The following KDM6A variants were observed in gnomAD, a reference collection of about 807,000 sequenced individuals.
The protein encoded by KDM6A is lysine demethylase 6A, also known as lysine-specific demethylase 6A.
KDM6A carries 11 observed loss-of-function variants against 117.6 expected under a neutral mutation model. The observed-to-expected ratio is 0.09, with a 90% CI of 0.06 to 0.15. The LOEUF is 0.15. Ranked by LOEUF, KDM6A falls within the 10% of genes least tolerant of loss-of-function variation. KDM6A has a pLI of 1.00. For synonymous variants in KDM6A, 384 were observed against 396.1 expected (o/e 0.97, Z 0.36); for missense variants, 799 against 1,077.3 (o/e 0.74, Z 3.62).
chrX:45,042,352 CAGAAT>C (rs201330566), intron 8 of KDM6A, among the ~76,000 whole-genome samples: 2,838 of 99,174 alleles, frequency 0.029, 218 homozygotes, highest in African/African-American at 0.11. Flanking sequence ...TTAAACAAAA[CAGAAT>C]AAACTCATGG....
chrX:45,020,392 C>T (rs1343412866), intron 5 of KDM6A, among the ~76,000 whole-genome samples: 2 of 111,428 alleles, frequency 1.8e-5, no homozygotes, highest in African/African-American at 6.5e-5. Context: ...TATCTTCCTT[C>T]CCCTTTATAT....
At chrX:45,022,155 G>A (rs1018961263) in intron 6 of KDM6A, among the ~76,000 whole-genome samples, 1 of 112,005 alleles carries the variant, frequency 8.9e-6, no homozygotes, top group African/African-American at 3.2e-5. Flanking sequence ...GTGACTATGC[G>A]TGTATCAGTA....
intron 10 of KDM6A, among the ~76,000 whole-genome samples, chrX:45,056,098 A>G (rs1306112694): frequency 9.0e-6 from 1 of 111,345 alleles, no homozygotes; most frequent in Non-Finnish European, 1.9e-5. Flanking sequence ...TTCCAAATAT[A>G]CAATATACTT....
At chrX:44,998,452 A>G (rs766304433) in intron 4 of KDM6A, among the ~76,000 whole-genome samples, 3 of 112,020 alleles carry the variant, frequency 2.7e-5, no homozygotes, top group Non-Finnish European at 5.6e-5. Flanking sequence ...GTAATTTCAG[A>G]TATTCATGGT....
intron 2 of KDM6A, among the ~76,000 whole-genome samples, chrX:44,888,241 T>C (rs1387642757): frequency 9.1e-6 from 1 of 110,176 alleles, no homozygotes; most frequent in African/African-American, 3.3e-5. Context: ...GAGGTGGAGG[T>C]TGGCGGTGAG....
chrX:44,875,921 T>C lies in KDM6A; in HGVS notation c.225+1934T>C, dbSNP rs1408444233. ...AACATTGGATTTCGGATTGTAATATTAAACCCTGCAGTTATGCACTAACGA... is the reference window on the plus strand; with the variant it reads ...AACATTGGATTTCGGATTGTAATATCAAACCCTGCAGTTATGCACTAACGA... On this transcript the variant is annotated intron_variant, in intron 2 of 29. Coordinates refer to ENST00000611820, the MANE Select transcript of KDM6A (RefSeq NM_001291415.2). 5.3e-5 allele frequency among the ~76,000 whole-genome samples: 6 copies of C among 112,191 alleles called. No individual in the cohort carries two copies. The East Asian group carries it at 1.4e-3, about 26-fold the overall frequency.
intron 8 of KDM6A, among the ~76,000 whole-genome samples, chrX:45,039,281 T>C (rs2042946502): frequency 9.2e-6 from 1 of 108,979 alleles, no homozygotes; most frequent in South Asian, 4.0e-4. Flanking sequence ...ATGAGATCAC[T>C]GGTCTGTCAT....
intron 2 of KDM6A, among the ~76,000 whole-genome samples, chrX:44,958,604 C>CTTTTTTTTTTTT (rs34006049): frequency 5.3e-5 from 3 of 56,453 alleles, no homozygotes; most frequent in African/African-American, 2.0e-4. Context: ...CTATATAGAC[C>CTTTTTTTTTTTT]TTTTTTTTTT....
Position 44,891,116 on chromosome X carries a change from G to A in KDM6A, c.225+17129G>A, listed in dbSNP as rs778627332. On this transcript the variant is annotated intron_variant, in intron 2 of 29. Transcript: ENST00000611820. ...TAGGTACGTGGTTGGATTTTCTCCC[G>A]CTCGCTCTATAACTTTGAATGATTT... Among the ~76,000 whole-genome samples, 22 of 109,627 alleles carry A rather than the reference G, an allele frequency of 2.0e-4. No individual in the cohort carries two copies. In the South Asian group the frequency reaches 6.8e-3, roughly 34 times the overall value.
At position 45,035,086 on chromosome X, in the gene KDM6A, A is replaced by G. The variant is rs1020788432; in HGVS notation, c.619+101A>G. ...TAAATTCTGTGCAATTTTTTCTTTTAGAATTGTTTAATGTAACTGTATTGG... is the reference window on the plus strand; with the variant it reads ...TAAATTCTGTGCAATTTTTTCTTTTGGAATTGTTTAATGTAACTGTATTGG... On this transcript the variant is annotated intron_variant, in intron 7 of 29. Transcript: ENST00000611820. 71 of 720,161 alleles carry G rather than the reference A, an allele frequency of 9.9e-5. 1 individual carries two copies. The highest frequency in any genetic ancestry group is 1.4e-4 in the Non-Finnish European group (65 of 458,229). The allele number at this position is 720,161 out of a possible 1,213,427, so 59.3% of individuals were successfully genotyped here.
chrX:44,904,370 G>A (rs753821412), intron 2 of KDM6A, among the ~76,000 whole-genome samples: 4 of 111,741 alleles, frequency 3.6e-5, no homozygotes, highest in Admixed American at 1.9e-4. Context: ...TTTTCTGGGC[G>A]TGCACACAGC....
chrX:45,056,055 G>C (rs929978041), intron 10 of KDM6A, among the ~76,000 whole-genome samples: 1 of 110,557 alleles, frequency 9.0e-6, no homozygotes, highest in African/African-American at 3.3e-5. Flanking sequence ...AAAACATTAT[G>C]ATGCTTTTAA....
Position 44,908,226 on chromosome X carries a change from A to C in KDM6A, c.225+34239A>C, listed in dbSNP as rs767052815. Among the ~76,000 whole-genome samples, 5 of 110,971 alleles carry C rather than the reference A, an allele frequency of 4.5e-5. No homozygotes were observed. In the East Asian group the frequency reaches 1.4e-3, roughly 32 times the overall value. On this transcript the variant is annotated intron_variant, in intron 2 of 29. Coordinates refer to ENST00000611820, the MANE Select transcript of KDM6A (RefSeq NM_001291415.2). ...ATTTCATGTACTTTTTGTGTTTCAT[A>C]ATTTATGGACCTGCTTTGTCTGTTG...
chrX:44,963,707 C>T (rs186299886), intron 3 of KDM6A, among the ~76,000 whole-genome samples: 15 of 110,193 alleles, frequency 1.4e-4, no homozygotes, highest in Admixed American at 1.1e-3. Flanking sequence ...TGGGAATCAA[C>T]TTCTTCCAGA....
At chrX:45,109,221 G>A (rs1366827758) in intron 28 of KDM6A, among the ~76,000 whole-genome samples, 1 of 109,351 alleles carries the variant, frequency 9.1e-6, no homozygotes, top group Non-Finnish European at 1.9e-5. Context: ...CTAGAACCTG[G>A]CAATGGGAAT....
At chrX:45,001,641 GGTTAT>G (rs989073400) in intron 4 of KDM6A, among the ~76,000 whole-genome samples, 4 of 111,597 alleles carry the variant, frequency 3.6e-5, no homozygotes, top group African/African-American at 1.3e-4. Context: ...AAATTGACTT[GGTTAT>G]GTTATAACTA....
chrX:44,996,994 C>T (rs1187868617), intron 4 of KDM6A, among the ~76,000 whole-genome samples: 2 of 111,697 alleles, frequency 1.8e-5, no homozygotes, highest in Non-Finnish European at 3.8e-5. Flanking sequence ...TGCCCCACTG[C>T]TCAAACCTCT....
intron 3 of KDM6A, among the ~76,000 whole-genome samples, chrX:44,964,887 A>G (rs1178829369): frequency 8.9e-6 from 1 of 112,326 alleles, no homozygotes; most frequent in Non-Finnish European, 1.9e-5. Flanking sequence ...TGAAAGTCCT[A>G]CATCTGAAAG....
At chrX:44,941,629 C>T (rs893572605) in intron 2 of KDM6A, among the ~76,000 whole-genome samples, 6 of 109,245 alleles carry the variant, frequency 5.5e-5, no homozygotes, top group Non-Finnish European at 1.1e-4. Flanking sequence ...TACAGGTACC[C>T]GCCGCCACAC....
Sources: gnomAD v4.1 joint callset for allele counts (sites outside exome capture counted in the v4.1 genomes callset) on GRCh38, gnomAD v4.1.1 for gene constraint, MANE v1.5 for transcripts, NCBI Gene and HGNC (gene_info 2026-07-23, HGNC 2026-07-21) for gene names.